The following DNAH9 variants were observed in gnomAD, a reference collection of about 807,000 sequenced individuals.
The protein encoded by DNAH9 is DNAH9 variant protein.
A neutral mutation model predicts 471.6 loss-of-function variants in DNAH9; 345 were observed. The observed-to-expected ratio is 0.73, with a 90% CI of 0.67 to 0.80. The LOEUF is 0.80. Ranked by LOEUF, DNAH9 falls within the 30% of genes least tolerant of loss-of-function variation. The pLI is 0.00. For missense variants in DNAH9, 5,407 were observed against 5,609.2 expected (o/e 0.96, Z 1.15); for synonymous variants, 2,093 against 2,123.6 (o/e 0.99, Z 0.40).
intron 14 of DNAH9, among the ~76,000 whole-genome samples, chr17:11,664,466 C>T (rs1049192034): frequency 2.0e-5 from 3 of 152,168 alleles, no homozygotes; most frequent in African/African-American, 7.2e-5. Context: ...ATACTATCTA[C>T]CCTTAGAATT....
chr17:11,620,057 A>G (rs929274210), intron 6 of DNAH9: 13 of 432,332 alleles, frequency 3.0e-5, no homozygotes, highest in Non-Finnish European at 4.2e-5. Flanking sequence ...CAAAAAATAC[A>G]ACAACAACAA....
At chr17:11,843,190 C>G (rs1226649776) in intron 49 of DNAH9, among the ~76,000 whole-genome samples, 1 of 151,834 alleles carries the variant, frequency 6.6e-6, no homozygotes, top group African/African-American at 2.4e-5. Context: ...CTAGCCAATG[C>G]AATAATAAAT....
chr17:11,641,033 A>T (rs904666729), intron 10 of DNAH9, among the ~76,000 whole-genome samples: 13 of 152,166 alleles, frequency 8.5e-5, no homozygotes, highest in African/African-American at 3.1e-4. Flanking sequence ...TTTCTCTGAT[A>T]CCTCTTTCTA....
At position 11,905,708 on chromosome 17, in the gene DNAH9, C is replaced by T. The variant is rs753561602; in HGVS notation, c.11648C>T (p.Ala3883Val). 1.2e-5 allele frequency: 19 copies of T among 1,613,908 alleles called. No homozygotes were observed. The highest frequency in any genetic ancestry group is 6.7e-5 in the Admixed American group (4 of 59,976). ...GGAAGCAAATACGTGGTGGGAAGAG[C>T]CCTAGATTTTGCAACCTCATTTGAA... is the stretch of plus-strand genomic sequence containing the variant. ...KLGSKYVVGRALDFATSFEES... is the reference protein window; with the variant it reads ...KLGSKYVVGRVLDFATSFEES... The change falls in exon 61 of 69, where the codon GCC becomes GTC. Residue 3883 changes from alanine (A) to valine (V), a missense_variant. Ala to Val is a moderately conservative substitution (Grantham distance 64). Around this residue, in one of 3 missense-constraint regions of DNAH9, gnomAD observed 4,636 missense variants for 4,900.3 expected, o/e 0.95. Coordinates refer to ENST00000262442, the MANE Select transcript of DNAH9 (RefSeq NM_001372.4).
At chr17:11,751,139 T>C (rs982955629) in intron 32 of DNAH9, among the ~76,000 whole-genome samples, 5 of 151,782 alleles carry the variant, frequency 3.3e-5, no homozygotes, top group Non-Finnish European at 5.9e-5. Context: ...CCTAGCAAAA[T>C]ATAAATTAAT....
intron 10 of DNAH9, among the ~76,000 whole-genome samples, chr17:11,642,392 A>T (rs2073291329): frequency 6.6e-6 from 1 of 150,938 alleles, no homozygotes; most frequent in South Asian, 2.1e-4. Flanking sequence ...ACAAACAATT[A>T]GCCAGGTGTG....
At chr17:11,659,635 G>C (rs1184759702) in intron 14 of DNAH9, among the ~76,000 whole-genome samples, 1 of 152,212 alleles carries the variant, frequency 6.6e-6, no homozygotes, top group African/African-American at 2.4e-5. Flanking sequence ...ATCTCAAGTA[G>C]CAGAGCATAT....
Position 11,969,514 on chromosome 17 carries a change from T to C in DNAH9, c.13448T>C (p.Leu4483Pro). 6.2e-7 allele frequency: 1 copy of C among 1,611,864 alleles called. No individual in the cohort carries two copies. Among genetic ancestry groups the C allele is most frequent in the Non-Finnish European group, 8.5e-7 (1 of 1,179,502 alleles). The change falls in exon 69 of 69, where the codon CTT becomes CCT. Residue 4483 changes from leucine to proline, a missense_variant. Leu to Pro is a moderately conservative substitution (Grantham distance 98). Transcript: ENST00000262442. ...SKWVLAGVAL[L>P]LQI ...TGGGTTCTGGCTGGAGTAGCCTTGC[T>C]TCTCCAGATTTAGCATCCTGCAGAG...
At chr17:11,762,770 G>GTTGTTGTTTTTTT (rs1967746481) in intron 35 of DNAH9, among the ~76,000 whole-genome samples, 17 of 90,788 alleles carry the variant, frequency 1.9e-4, no homozygotes, top group Non-Finnish European at 2.4e-4. Flanking sequence ...TTTTTTTTTT[G>GTTGTTGTTTTTTT]TTTTTTTTTT....
intron 22 of DNAH9, among the ~76,000 whole-genome samples, chr17:11,697,822 C>G (rs1470115958): frequency 6.6e-6 from 1 of 151,794 alleles, no homozygotes; most frequent in African/African-American, 2.4e-5. Context: ...GTTGCTAATA[C>G]TGCTATAAAC....
chr17:11,731,660 T>G (rs530649044), intron 28 of DNAH9, among the ~76,000 whole-genome samples: 1 of 151,654 alleles, frequency 6.6e-6, no homozygotes, highest in African/African-American at 2.4e-5. Context: ...TTTGGTTTTT[T>G]GTCCTTGTGA....
intron 52 of DNAH9, among the ~76,000 whole-genome samples, chr17:11,872,659 G>A (rs1375161567): frequency 3.3e-5 from 5 of 152,140 alleles, no homozygotes; most frequent in Admixed American, 1.3e-4. Flanking sequence ...GGTGGCTCAC[G>A]CCTGTAATCC....
chr17:11,865,640 G>A (rs4453539), intron 50 of DNAH9, among the ~76,000 whole-genome samples: 53,061 of 149,112 alleles, frequency 0.36, 9,657 homozygotes, highest in Admixed American at 0.52. Context: ...CATTCTCCCC[G>A]TCACTTTCAG....
intron 43 of DNAH9, among the ~76,000 whole-genome samples, chr17:11,807,267 C>T (rs1969724153): frequency 6.6e-6 from 1 of 152,184 alleles, no homozygotes; most frequent in African/African-American, 2.4e-5. Context: ...CTCTTCTTTC[C>T]TAAGAGGAAC....
chr17:11,745,003 G>A lies in DNAH9; in HGVS notation c.6318G>A (p.Arg2106=), dbSNP rs760776398. ...DLFPALDVPR[R]RDPNFEALVR... ...TTCCCGCCCTGGATGTCCCCCGGAG[G>A]AGAGACCCCAACTTCGAAGCTTTGG... The change falls in exon 31 of 69, where the codon AGG becomes AGA. Residue 2106 remains arginine (R), a synonymous_variant. Transcript: ENST00000262442. 1.1e-5 allele frequency: 17 copies of A among 1,614,136 alleles called. No homozygotes were observed. The highest frequency in any genetic ancestry group is 3.3e-5 in the South Asian group (3 of 91,088).
chr17:11,923,706 G>A, intron 61 of DNAH9, 108 bp from the exon 62 acceptor site: 8 of 1,383,470 alleles, frequency 5.8e-6, no homozygotes, highest in Non-Finnish European at 8.0e-6. Flanking sequence ...ATAGATTTGG[G>A]CATGCCCGTG....
At chr17:11,923,704 G>T in intron 61 of DNAH9, 110 bp from the exon 62 acceptor site, 1 of 1,356,756 alleles carries the variant, frequency 7.4e-7, no homozygotes, top group Non-Finnish European at 1.0e-6. Context: ...TTATAGATTT[G>T]GGCATGCCCG....
chr17:11,871,542 C>A, intron 51 of DNAH9, 56 bp from the exon 52 acceptor site: 3 of 1,520,820 alleles, frequency 2.0e-6, no homozygotes, highest in Non-Finnish European at 2.7e-6. Context: ...GGAATCACGG[C>A]TCTATCACCT....
intron 46 of DNAH9, 91 bp from the exon 47 acceptor site, chr17:11,822,326 TTGGATGTGCTTCCCAATCTTC>T (rs1970335981): frequency 7.7e-7 from 1 of 1,304,158 alleles, no homozygotes; most frequent in African/African-American, 1.5e-5. Context: ...ATTATCTCTG[TTGGATGTGCTTCCCAATCTTC>T]TGGGAGCTAG....
Sources: allele counts gnomAD v4.1 joint callset (sites outside exome capture counted in the v4.1 genomes callset), GRCh38; gene constraint gnomAD v4.1.1; regional missense constraint gnomAD v4.1.1; transcripts MANE v1.5; gene names NCBI Gene and HGNC (gene_info 2026-07-23, HGNC 2026-07-21).